Variants in DMD observed in about 807,000 individuals in gnomAD.
DMD encodes dystrophin.
A neutral mutation model predicts 330.1 loss-of-function variants in DMD; 63 were observed. The ratio of observed to expected loss-of-function variants is 0.19; its 90% CI spans 0.16 to 0.24. The LOEUF is 0.24. Ranked by LOEUF, DMD falls within the 10% of genes least tolerant of loss-of-function variation. The pLI is 1.00. For missense variants in DMD, 3,344 were observed against 2,684.1 expected (o/e 1.25, Z -5.43); for synonymous variants, 1,223 against 959.8 (o/e 1.27, Z -5.07).
chrX:31,716,826 TAC>T (rs3032284), intron 52 of DMD, among the ~76,000 whole-genome samples: 6,872 of 96,242 alleles, frequency 0.071, 309 homozygotes, highest in Admixed American at 0.2. Context: ...TATATAAGAA[TAC>T]ACACACACAC....
chrX:32,242,012 G>A (rs965314127), intron 43 of DMD, among the ~76,000 whole-genome samples: 1 of 111,547 alleles, frequency 9.0e-6, no homozygotes, highest in Admixed American at 9.5e-5. Flanking sequence ...AGATCATCAT[G>A]CTCCCCAGAG....
intron 44 of DMD, among the ~76,000 whole-genome samples, chrX:32,123,880 C>T (rs1427466184): frequency 2.7e-5 from 3 of 112,281 alleles, no homozygotes; most frequent in Non-Finnish European, 3.8e-5. Flanking sequence ...GTAAGGTACA[C>T]TATTGATTTC....
chrX:33,051,071 A>G (rs2094449806), intron 1 of DMD, among the ~76,000 whole-genome samples: 1 of 111,758 alleles, frequency 8.9e-6, no homozygotes, highest in Non-Finnish European at 1.9e-5. Flanking sequence ...TACACTTTAC[A>G]CCCATAATGT....
chrX:33,024,724 A>T lies in DMD; in HGVS notation c.32-4524T>A, dbSNP rs777543566. Among the ~76,000 whole-genome samples the T allele has an allele frequency of 4.5e-5, 5 of 111,967 alleles. No individual in the cohort carries two copies. In the South Asian group the frequency reaches 1.8e-3, roughly 41 times the overall value. ...AATTGCAATATTCTTGATTCACAAG[A>T]GCAAGTTACTGCAGAAGAATGATAC... On this transcript the variant is annotated intron_variant, in intron 1 of 78. Coordinates refer to ENST00000357033, the MANE Select transcript of DMD (RefSeq NM_004006.3).
At chrX:33,040,229 A>G (rs1055877633) in intron 1 of DMD, among the ~76,000 whole-genome samples, 3 of 111,005 alleles carry the variant, frequency 2.7e-5, no homozygotes, top group African/African-American at 9.8e-5. Flanking sequence ...CACAAACATG[A>G]AGTCAAACCC....
intron 12 of DMD, among the ~76,000 whole-genome samples, chrX:32,598,339 T>C (rs2055808832): frequency 1.8e-5 from 2 of 111,709 alleles, no homozygotes; most frequent in Admixed American, 1.9e-4. Flanking sequence ...TTCAGAGTTG[T>C]CCTTGACAGT....
chrX:32,754,102 C>A (rs1284147615), intron 7 of DMD, among the ~76,000 whole-genome samples: 1 of 111,656 alleles, frequency 9.0e-6, no homozygotes, highest in Admixed American at 9.6e-5. Flanking sequence ...CCTGTGGTAG[C>A]TTACTAATTA....
At chrX:32,689,611 T>G (rs1451702172) in intron 9 of DMD, among the ~76,000 whole-genome samples, 1 of 110,882 alleles carries the variant, frequency 9.0e-6, no homozygotes, top group Non-Finnish European at 1.9e-5. Context: ...CCAAGAAAAC[T>G]GCAACTCAAT....
chrX:31,631,252 C>T (rs752744645), intron 54 of DMD, among the ~76,000 whole-genome samples: 7 of 110,082 alleles, frequency 6.4e-5, no homozygotes, highest in Non-Finnish European at 1.1e-4. Flanking sequence ...ATAGTAGATG[C>T]TAAGCTGGGC....
chrX:31,718,460 G>A (rs1460325376), intron 52 of DMD, among the ~76,000 whole-genome samples: 3 of 110,667 alleles, frequency 2.7e-5, no homozygotes, highest in Admixed American at 1.9e-4. Context: ...CCCCCCCGCC[G>A]GCTAAAATTT....
At chrX:32,827,063 C>CCCCCA (rs1557061568) in intron 4 of DMD, among the ~76,000 whole-genome samples, 2 of 50,775 alleles carry the variant, frequency 3.9e-5, no homozygotes, top group East Asian at 4.9e-4. Flanking sequence ...CGCACCCCCC[C>CCCCCA]CCCACACACA....
At chrX:32,313,282 G>C (rs1469180105) in intron 41 of DMD, among the ~76,000 whole-genome samples, 1 of 110,980 alleles carries the variant, frequency 9.0e-6, no homozygotes, top group Non-Finnish European at 1.9e-5. Flanking sequence ...CACATAAACA[G>C]AACCAATGAC....
rs1230662581 is a variant in DMD at position 32,573,859 on chromosome X, C to A, written c.1603-13G>T. ...GATCTCCCAATACCTGGAGAAGAGA[C>A]AATCAAGCACAGCATCAGCAAACAA... On this transcript the variant is annotated splice_polypyrimidine_tract_variant and intron_variant, in intron 13 of 78. Coordinates refer to ENST00000357033, the MANE Select transcript of DMD (RefSeq NM_004006.3). 4 of 1,167,387 alleles carry A rather than the reference C, an allele frequency of 3.4e-6. No individual in the cohort carries two copies. Among genetic ancestry groups the A allele is most frequent in the East Asian group, 5.9e-5 (2 of 33,660 alleles).
intron 47 of DMD, among the ~76,000 whole-genome samples, chrX:31,902,374 C>A (rs773242957): frequency 5.4e-5 from 6 of 111,772 alleles, no homozygotes; most frequent in Non-Finnish European, 1.1e-4. Flanking sequence ...TGATCTTAAA[C>A]AAGGCCAGTT....
intron 16 of DMD, among the ~76,000 whole-genome samples, chrX:32,550,228 T>C (rs73457749): frequency 0.12 from 13,810 of 110,859 alleles, 1,035 homozygotes; most frequent in African/African-American, 0.26. Context: ...ATATAGAGAG[T>C]TGGGCATAAA....
At chrX:31,818,612 C>G (rs1462871868) in intron 50 of DMD, among the ~76,000 whole-genome samples, 1 of 110,304 alleles carries the variant, frequency 9.1e-6, no homozygotes, top group South Asian at 3.9e-4. Flanking sequence ...AAACAGACAC[C>G]AATAAATGAT....
intron 52 of DMD, among the ~76,000 whole-genome samples, chrX:31,681,271 T>C (rs987754482): frequency 1.8e-5 from 2 of 112,231 alleles, no homozygotes; most frequent in Non-Finnish European, 3.8e-5. Context: ...GCCTAGATAA[T>C]CTGAGAGGTT....
At chrX:31,721,167 G>A (rs1427510728) in intron 52 of DMD, among the ~76,000 whole-genome samples, 1 of 111,080 alleles carries the variant, frequency 9.0e-6, no homozygotes, top group Non-Finnish European at 1.9e-5. Flanking sequence ...AAAAATAAAA[G>A]AACCACGAGA....
At chrX:33,293,088 T>C (rs1035668698) in intron 1 of DMD, among the ~76,000 whole-genome samples, 2 of 111,739 alleles carry the variant, frequency 1.8e-5, no homozygotes, top group African/African-American at 3.2e-5. Flanking sequence ...CTATAGGTTA[T>C]GTGATTATCC....
Sources: allele counts gnomAD v4.1 joint callset (sites outside exome capture counted in the v4.1 genomes callset), GRCh38; gene constraint gnomAD v4.1.1; transcripts MANE v1.5; gene names NCBI Gene and HGNC (gene_info 2026-07-23, HGNC 2026-07-21).